The following SV2C variants were observed in gnomAD, a reference collection of about 807,000 sequenced individuals.
The protein encoded by SV2C is synaptic vesicle glycoprotein 2C, also known as solute carrier family 22 member B3.
A neutral mutation model predicts 79.7 loss-of-function variants in SV2C; 49 were observed. That is an observed-to-expected ratio of 0.61 (90% confidence interval 0.49 to 0.78). The LOEUF (loss-of-function observed/expected upper bound fraction) is 0.78, where lower values mean the gene tolerates loss of function less well. Among genes scored for constraint, SV2C ranks in the 30% least tolerant of loss-of-function variants. The probability of loss-of-function intolerance (pLI) is 0.00; values close to 1 mark genes in which losing one functional copy is unlikely to be tolerated. For synonymous variants in SV2C, 334 were observed against 333.2 expected, an observed-to-expected ratio of 1.00 and a Z score of -0.03; for missense variants, 833 against 912.9, an observed-to-expected ratio of 0.91 and a Z score of 1.13.
the SV2C span, among the ~76,000 whole-genome samples, chr5:75,966,468 G>A: frequency 5.1e-4 from 78 of 152,182 alleles, 1 homozygote; most frequent in South Asian, 0.015. Flanking sequence ...CCAGCAAATG[G>A]CACCAAAGGC....
chr5:75,914,475 G>A, the SV2C span, among the ~76,000 whole-genome samples: 1 of 152,116 alleles, frequency 6.6e-6, no homozygotes, highest in Non-Finnish European at 1.5e-5. Flanking sequence ...GAAGTAATAG[G>A]TTGTGTCCAG....
intron 2 of SV2C, among the ~76,000 whole-genome samples, chr5:76,181,642 T>C (rs190075337): frequency 1.4e-4 from 21 of 151,276 alleles, no homozygotes; most frequent in Non-Finnish European, 2.4e-4. Flanking sequence ...AACCATCAGA[T>C]CTCGTGAGAA....
At chr5:76,070,461 CT>C in the SV2C span, among the ~76,000 whole-genome samples, 1 of 152,314 alleles carries the variant, frequency 6.6e-6, no homozygotes, top group Middle Eastern at 3.4e-3. Flanking sequence ...TTCTTCTCCC[CT>C]GAGGTAAATC....
intron 4 of SV2C, among the ~76,000 whole-genome samples, chr5:76,238,210 C>T (rs533378868): frequency 1.3e-5 from 2 of 152,096 alleles, no homozygotes; most frequent in East Asian, 1.9e-4. Context: ...TTTTATTCTC[C>T]TTTCTAGGAG....
Position 76,177,503 on chromosome 5 carries a change from A to G in SV2C, c.581-17416A>G, listed in dbSNP as rs548545498. On this transcript the variant is annotated intron_variant, in intron 2 of 12. Coordinates refer to ENST00000502798, the MANE Select transcript of SV2C (RefSeq NM_014979.4). ...AATAATAAACTAGAATAATTATAAC[A>G]ATATACTATAATAAAAGTTACCTAA... Among the ~76,000 whole-genome samples, 21 of 146,200 alleles carry G rather than the reference A, an allele frequency of 1.4e-4. No homozygotes were observed. In the South Asian group the frequency reaches 4.4e-3, roughly 31 times the overall value.
intron 1 of SV2C, among the ~76,000 whole-genome samples, chr5:76,099,287 G>C (rs1010392603): frequency 1.3e-5 from 2 of 151,912 alleles, no homozygotes; most frequent in Non-Finnish European, 2.9e-5. Context: ...GTATACCTGA[G>C]CTCCTGAGAC....
the SV2C span, among the ~76,000 whole-genome samples, chr5:76,054,667 CTT>C: frequency 0.022 from 3,282 of 152,242 alleles, 124 homozygotes; most frequent in African/African-American, 0.076. Context: ...TGTTTCTTGA[CTT>C]TTTAATAATT....
At chr5:75,918,128 T>C in the SV2C span, among the ~76,000 whole-genome samples, 1 of 152,222 alleles carries the variant, frequency 6.6e-6, no homozygotes, top group East Asian at 1.9e-4. Context: ...CTAAGAAATA[T>C]TTATTTGGCA....
intron 4 of SV2C, among the ~76,000 whole-genome samples, chr5:76,237,403 A>ATC (rs1396869685): frequency 6.6e-6 from 1 of 152,128 alleles, no homozygotes; most frequent in Admixed American, 6.5e-5. Context: ...TGGGTGAACT[A>ATC]TCTTACCACC....
chr5:76,281,274 C>A, intron 4 of SV2C: 1 of 503,756 alleles, frequency 2.0e-6, no homozygotes, highest in Non-Finnish European at 3.9e-6. Context: ...GATTATTGAA[C>A]TAAAAGTTTT....
intron 4 of SV2C, among the ~76,000 whole-genome samples, chr5:76,271,276 GA>G (rs1273395018): frequency 2.4e-4 from 36 of 152,158 alleles, no homozygotes; most frequent in African/African-American, 8.2e-4. Flanking sequence ...AGGGTGCCAG[GA>G]AGTATATTGG....
chr5:76,064,636 A>G, the SV2C span, among the ~76,000 whole-genome samples: 1 of 152,086 alleles, frequency 6.6e-6, no homozygotes, highest in African/African-American at 2.4e-5. Flanking sequence ...GGAGTCTACA[A>G]TTCAAATACC....
chr5:75,972,013 A>G, the SV2C span, among the ~76,000 whole-genome samples: 2 of 152,244 alleles, frequency 1.3e-5, no homozygotes, highest in South Asian at 4.1e-4. Flanking sequence ...GCCCTCAGAA[A>G]TAATGCCGCA....
the SV2C span, among the ~76,000 whole-genome samples, chr5:75,930,093 T>C: frequency 0.066 from 9,993 of 152,234 alleles, 385 homozygotes; most frequent in Middle Eastern, 0.12. Flanking sequence ...CCCTGATCTG[T>C]TCCTTTTTCC....
chr5:76,257,546 T>A (rs1023373996), intron 4 of SV2C, among the ~76,000 whole-genome samples: 1 of 149,536 alleles, frequency 6.7e-6, no homozygotes, highest in African/African-American at 2.5e-5. Context: ...GGTGTATGAG[T>A]CTGTGGTTTG....
At chr5:76,296,025 A>G in intron 9 of SV2C, 83 bp downstream of exon 9, 3 of 1,344,920 alleles carry the variant, frequency 2.2e-6, no homozygotes, top group East Asian at 2.4e-5. Context: ...TGAAACAGGC[A>G]TAGTTTTTTG....
chr5:75,896,477 G>A, the SV2C span, among the ~76,000 whole-genome samples: 6 of 151,324 alleles, frequency 4.0e-5, no homozygotes, highest in African/African-American at 7.4e-5. Flanking sequence ...TGGACATTTG[G>A]GTTGGTTCCA....
At chr5:76,174,001 C>T (rs372418635) in intron 2 of SV2C, 21 of 1,566,364 alleles carry the variant, frequency 1.3e-5, no homozygotes, top group Middle Eastern at 1.7e-4. Context: ...TAAATTGCTC[C>T]GTTCCTGCAG....
downstream of SV2C, among the ~76,000 whole-genome samples, chr5:76,338,817 T>C (rs1275299946): frequency 6.6e-6 from 1 of 151,888 alleles, no homozygotes. Context: ...GCCATTATGC[T>C]TGGCTAATTT....
Sources: allele counts gnomAD v4.1 joint callset (sites outside exome capture counted in the v4.1 genomes callset), GRCh38; gene constraint gnomAD v4.1.1; transcripts MANE v1.5; gene names NCBI Gene and HGNC (gene_info 2026-07-23, HGNC 2026-07-21).